Variants in PTPN9 observed in about 807,000 individuals in gnomAD.
The protein encoded by PTPN9 is protein tyrosine phosphatase non-receptor type 9, also known as tyrosine-protein phosphatase non-receptor type 9.
A neutral mutation model predicts 69.8 loss-of-function variants in PTPN9; 26 were observed. The ratio of observed to expected loss-of-function variants is 0.37; its 90% CI spans 0.27 to 0.52. PTPN9 has a LOEUF of 0.52. Ranked by LOEUF, PTPN9 falls within the 20% of genes least tolerant of loss-of-function variation. PTPN9 has a pLI of 0.91. For synonymous variants in PTPN9, 274 were observed against 272.5 expected, an observed-to-expected ratio of 1.01 and a Z score of -0.05; for missense variants, 549 against 740.3, an observed-to-expected ratio of 0.74 and a Z score of 3.00.
chr15:75,563,687 T>C (rs564254682), intron 1 of PTPN9, among the ~76,000 whole-genome samples: 11 of 152,258 alleles, frequency 7.2e-5, no homozygotes, highest in African/African-American at 2.6e-4. Context: ...TTTTGAACCC[T>C]CCAAAATATA....
In PTPN9 at chr15:75,578,776, T is replaced by TC. The variant is rs746791904; in HGVS notation, c.-1dup. On this transcript the variant is annotated 5_prime_UTR_variant, in exon 1 of 13. Coordinates refer to ENST00000618819, the MANE Select transcript of PTPN9 (RefSeq NM_002833.4). ...GGCCGGGGCGCGGTCGCGGGCTCCA[T>TC]CCCCCCGCCACCGCCGCCGGGCGGA... The TC allele has an allele frequency of 8.8e-6, 11 of 1,248,260 alleles. No homozygotes were observed. Among genetic ancestry groups the TC allele is most frequent in the Admixed American group, 4.2e-5 (1 of 23,670 alleles). 77.3% of individuals were successfully genotyped at this position (1,248,260 alleles called of 1,614,324 possible). A position where few individuals can be genotyped will look rare whatever the true frequency, so the allele number is the denominator to read the frequency against.
In PTPN9 at chr15:75,561,333, TAAA is replaced by T. The variant is rs1185802337; in HGVS notation, c.63+17378_63+17380del. 2.6e-5 allele frequency among the ~76,000 whole-genome samples: 4 copies of T among 151,376 alleles called. No homozygotes were observed. In the East Asian group the frequency reaches 7.8e-4, roughly 29 times the overall value. ...TCCATCTCAAAAAAAAAAAATTACT[TAAA>T]AAAGAATTCCGTTTTTTGGAAAATT... On this transcript the variant is annotated intron_variant, in intron 1 of 12. Transcript: ENST00000618819.
chr15:75,576,811 A>AAAAC (rs751184379), intron 1 of PTPN9, among the ~76,000 whole-genome samples: 2 of 152,118 alleles, frequency 1.3e-5, no homozygotes, highest in Non-Finnish European at 2.9e-5. Flanking sequence ...CTGTCTCAAA[A>AAAAC]AAACAAACAA....
intron 1 of PTPN9, among the ~76,000 whole-genome samples, chr15:75,566,121 A>G (rs1441598582): frequency 6.6e-6 from 1 of 152,138 alleles, no homozygotes; most frequent in Admixed American, 6.6e-5. Flanking sequence ...TCTCCAAAAA[A>G]CTTAAGGAAA....
At position 75,517,619 on chromosome 15, in the gene PTPN9, A is replaced by C. The variant is rs181222550; in HGVS notation, c.423-255T>G. 3.9e-5 allele frequency among the ~76,000 whole-genome samples: 6 copies of C among 152,314 alleles called. No individual in the cohort carries two copies. The East Asian group carries it at 1.2e-3, about 29-fold the overall frequency. On this transcript the variant is annotated intron_variant, in intron 4 of 12. Transcript: ENST00000618819. ...GCTCTACAGCAACTAAGTTATCAAA[A>C]TCTGAACTGTTTTCTCCCACCCCTC...
chr15:75,521,868 G>C (rs993778448), intron 4 of PTPN9, among the ~76,000 whole-genome samples: 15 of 152,144 alleles, frequency 9.9e-5, no homozygotes, highest in African/African-American at 3.6e-4. Flanking sequence ...ATGTTAAAAA[G>C]AAAGTTTCCT....
At chr15:75,469,747 C>G in intron 12 of PTPN9, 45 bp downstream of exon 12, 1 of 1,588,290 alleles carries the variant, frequency 6.3e-7, no homozygotes, top group Non-Finnish European at 8.6e-7. Context: ...CCTCGTCCAC[C>G]CCTACTGCCC....
At chr15:75,517,006 G>C (rs1462969141) in intron 5 of PTPN9, among the ~76,000 whole-genome samples, 1 of 152,110 alleles carries the variant, frequency 6.6e-6, no homozygotes, top group Non-Finnish European at 1.5e-5. Context: ...GCCTCCCAAA[G>C]TGCTGGGATT....
chr15:75,560,506 C>T (rs949808700), intron 1 of PTPN9, among the ~76,000 whole-genome samples: 1 of 152,150 alleles, frequency 6.6e-6, no homozygotes, highest in Non-Finnish European at 1.5e-5. Flanking sequence ...AGGCCTTTCT[C>T]TCAGTAACTC....
In PTPN9 at chr15:75,578,756, G is replaced by A; in HGVS notation, c.21C>T (p.Pro7=). The A allele has an allele frequency of 7.7e-7, 1 of 1,292,672 alleles. No individual in the cohort carries two copies. Among genetic ancestry groups the A allele is most frequent in the Non-Finnish European group, 9.8e-7 (1 of 1,021,440 alleles). The allele number at this position is 1,292,672 out of a possible 1,614,324, so 80.1% of individuals were successfully genotyped here. A position where few individuals can be genotyped will look rare whatever the true frequency, so the allele number is the denominator to read the frequency against. Residue 7 remains proline (P), a synonymous_variant, in exon 1 of 13, where the codon CCC becomes CCT. Transcript: ENST00000618819. MEPATA[P]RPDMAPELTP... ...TCAGCTCCGGCGCCATGTCGGGCCG[G>A]GGCGCGGTCGCGGGCTCCATCCCCC...
chr15:75,509,415 G>A lies in PTPN9; in HGVS notation c.529-388C>T, dbSNP rs1467912221. Among the ~76,000 whole-genome samples the A allele has an allele frequency of 2.0e-5, 3 of 152,198 alleles. No individual in the cohort carries two copies. The East Asian group carries it at 5.8e-4, about 29-fold the overall frequency. On this transcript the variant is annotated intron_variant, in intron 5 of 12. Coordinates refer to ENST00000618819, the MANE Select transcript of PTPN9 (RefSeq NM_002833.4). ...AACATTAAACATTTCTCGACCAGGT[G>A]CGGTGGCTCATGCCTATAATCCCAG...
At position 75,484,132 on chromosome 15, in the gene PTPN9, C is replaced by T. The variant is rs182898259; in HGVS notation, c.1063-4218G>A. ...CCCCCTTCATTCAGTCTCCTAATGA[C>T]GGTCTCAAGTAATAACAATAGTAAC... On this transcript the variant is annotated intron_variant, in intron 8 of 12. Coordinates refer to ENST00000618819, the MANE Select transcript of PTPN9 (RefSeq NM_002833.4). 6.6e-5 allele frequency among the ~76,000 whole-genome samples: 10 copies of T among 152,306 alleles called. No individual in the cohort carries two copies. The East Asian group carries it at 9.6e-4, about 15-fold the overall frequency.
chr15:75,480,738 G>C (rs924832327), intron 8 of PTPN9: 12 of 1,296,474 alleles, frequency 9.3e-6, no homozygotes, highest in Non-Finnish European at 1.1e-5. Flanking sequence ...AGCGGGCAGC[G>C]GAGCTGTCTC....
At position 75,477,599 on chromosome 15, in the gene PTPN9, CTTAA is replaced by C. The variant is rs986639440; in HGVS notation, c.1129+2245_1129+2248del. ...GACAGAGCGAAACTCCATCTCAAAA[CTTAA>C]TTAATTAATTAATTAAAAATAAAGA... is the stretch of plus-strand genomic sequence containing the variant. On this transcript the variant is annotated intron_variant, in intron 9 of 12. Coordinates refer to ENST00000618819, the MANE Select transcript of PTPN9 (RefSeq NM_002833.4). Among the ~76,000 whole-genome samples the C allele has an allele frequency of 2.6e-5, 4 of 151,964 alleles. No individual in the cohort carries two copies. The South Asian group carries it at 6.2e-4, about 24-fold the overall frequency.
At chr15:75,504,075 G>A (rs1484397914) in intron 7 of PTPN9, among the ~76,000 whole-genome samples, 1 of 126,486 alleles carries the variant, frequency 7.9e-6, no homozygotes, top group Non-Finnish European at 1.7e-5. Context: ...CCGGGAGGGA[G>A]GTGGGGGGAT....
chr15:75,506,885 T>C (rs575101116), intron 6 of PTPN9, among the ~76,000 whole-genome samples: 1 of 152,044 alleles, frequency 6.6e-6, no homozygotes, highest in Non-Finnish European at 1.5e-5. Context: ...TCACCTCTTC[T>C]GTGAAGTCTT....
Position 75,554,005 on chromosome 15 carries a change from C to CT in PTPN9, c.63+24708dup, listed in dbSNP as rs72050060. Among the ~76,000 whole-genome samples, 631 of 125,362 alleles carry CT rather than the reference C, an allele frequency of 5.0e-3. 4 individuals are homozygous for CT. The highest frequency in any genetic ancestry group is 9.4e-3 in the African/African-American group (312 of 33,324). The allele number at this position is 125,362 out of a possible 152,430, so 82.2% of individuals were successfully genotyped here. Reference sequence around the variant, plus strand: ...AACCTGCTAGACCAATACTTTCTTTCTTTTTTTTTTTTTTTTTTGATTTTT... The same window carrying CT: ...AACCTGCTAGACCAATACTTTCTTTCTTTTTTTTTTTTTTTTTTTGATTTTT... On this transcript the variant is annotated intron_variant, in intron 1 of 12. Coordinates refer to ENST00000618819, the MANE Select transcript of PTPN9 (RefSeq NM_002833.4).
intron 8 of PTPN9, among the ~76,000 whole-genome samples, chr15:75,489,730 T>C (rs1433089048): frequency 1.3e-5 from 2 of 152,212 alleles, no homozygotes; most frequent in Admixed American, 6.5e-5. Context: ...CAAATTAATA[T>C]ATTAAATAAT....
intron 1 of PTPN9, among the ~76,000 whole-genome samples, chr15:75,557,115 A>C (rs1335245089): frequency 6.6e-6 from 1 of 152,094 alleles, no homozygotes; most frequent in African/African-American, 2.4e-5. Context: ...GGGTTGTTCC[A>C]CCTTTGGCTA....
Sources: gnomAD v4.1 joint callset for allele counts (sites outside exome capture counted in the v4.1 genomes callset) on GRCh38, gnomAD v4.1.1 for gene constraint, MANE v1.5 for transcripts, NCBI Gene and HGNC (gene_info 2026-07-23, HGNC 2026-07-21) for gene names.